The following LRBA variants were observed in gnomAD, a reference collection of about 807,000 sequenced individuals.
The protein encoded by LRBA is lipopolysaccharide-responsive and beige-like anchor protein.
A neutral mutation model predicts 330.0 loss-of-function variants in LRBA; 176 were observed. The ratio of observed to expected loss-of-function variants is 0.53; its 90% CI spans 0.47 to 0.60. The LOEUF is 0.60. Ranked by LOEUF, LRBA falls within the 20% of genes least tolerant of loss-of-function variation. LRBA has a pLI of 0.00. For synonymous variants in LRBA, 1,230 were observed against 1,193.0 expected (o/e 1.03, Z -0.64); for missense variants, 3,259 against 3,444.8 (o/e 0.95, Z 1.35).
intron 2 of LRBA, among the ~76,000 whole-genome samples, chr4:150,975,268 C>T (rs1267788233): frequency 1.3e-5 from 2 of 152,166 alleles, no homozygotes; most frequent in African/African-American, 4.8e-5. Flanking sequence ...GTGGCTCACG[C>T]CTGTAATCCC....
chr4:150,884,014 G>C (rs1728682558), intron 17 of LRBA, among the ~76,000 whole-genome samples: 1 of 152,146 alleles, frequency 6.6e-6, no homozygotes, highest in East Asian at 1.9e-4. Context: ...GAAATTGCTA[G>C]AAATTCAGGT....
intron 47 of LRBA, among the ~76,000 whole-genome samples, chr4:150,366,948 C>A (rs10007339): frequency 0.25 from 37,990 of 151,972 alleles, 4,846 homozygotes; most frequent in East Asian, 0.34. Context: ...CAAGGGCCTT[C>A]CCATTCATTT....
chr4:150,570,879 G>C (rs905243592), intron 40 of LRBA, among the ~76,000 whole-genome samples: 1 of 152,088 alleles, frequency 6.6e-6, no homozygotes, highest in Non-Finnish European at 1.5e-5. Flanking sequence ...TTAGAATTAT[G>C]TTTGTATTTT....
chr4:150,850,968 A>T, intron 23 of LRBA, 66 bp from the exon 24 acceptor site: 1 of 1,145,600 alleles, frequency 8.7e-7, no homozygotes. Flanking sequence ...AGCAAAGTAA[A>T]TAATTTAGTA....
At chr4:150,387,448 T>C (rs1185483157) in intron 47 of LRBA, among the ~76,000 whole-genome samples, 1 of 152,186 alleles carries the variant, frequency 6.6e-6, no homozygotes, top group African/African-American at 2.4e-5. Context: ...CTAGGCTTGA[T>C]ATATTTGATA....
chr4:150,855,218 GC>G (rs1468180626), intron 22 of LRBA, among the ~76,000 whole-genome samples: 1 of 152,126 alleles, frequency 6.6e-6, no homozygotes, highest in Admixed American at 6.5e-5. Flanking sequence ...AGCCAAAATA[GC>G]ACCACTGCAC....
intron 48 of LRBA, among the ~76,000 whole-genome samples, chr4:150,334,812 T>G (rs1020694948): frequency 6.8e-6 from 1 of 147,552 alleles, no homozygotes; most frequent in Non-Finnish European, 1.5e-5. Context: ...CATTATTAAG[T>G]TTTTTTTGTT....
At chr4:150,838,990 C>T (rs531764954) in intron 28 of LRBA, among the ~76,000 whole-genome samples, 1 of 152,138 alleles carries the variant, frequency 6.6e-6, no homozygotes. Context: ...GCTATCTACT[C>T]ATCTGACAAA....
intron 55 of LRBA, among the ~76,000 whole-genome samples, chr4:150,281,752 T>A (rs1020646048): frequency 1.3e-5 from 2 of 152,050 alleles, no homozygotes; most frequent in African/African-American, 4.8e-5. Flanking sequence ...ACCAAGGAGT[T>A]TGGAGGTAAG....
intron 36 of LRBA, among the ~76,000 whole-genome samples, chr4:150,704,842 T>C (rs1785461494): frequency 6.6e-6 from 1 of 152,120 alleles, no homozygotes; most frequent in South Asian, 2.1e-4. Context: ...TAATTGATAA[T>C]GACAATTAAT....
chr4:150,667,232 G>A lies in LRBA; in HGVS notation c.5921+16319C>T, dbSNP rs192525928. On this transcript the variant is annotated intron_variant, in intron 37 of 56. Transcript: ENST00000651943. ...CACAACCTGTATGTTACTTTACAGG[G>A]ACTTTGTGGATGTGATTACATTAAG... Among the ~76,000 whole-genome samples, 20 of 152,272 alleles carry A rather than the reference G, an allele frequency of 1.3e-4. No homozygotes were observed. The East Asian group carries it at 3.9e-3, about 29-fold the overall frequency.
chr4:150,813,149 C>T (rs1348168116), intron 31 of LRBA, among the ~76,000 whole-genome samples: 1 of 129,098 alleles, frequency 7.7e-6, no homozygotes, highest in East Asian at 2.2e-4. Context: ...CAAAGACAGA[C>T]CCTGTCTCAA....
intron 48 of LRBA, among the ~76,000 whole-genome samples, chr4:150,330,728 C>T (rs1016346792): frequency 5.9e-5 from 9 of 152,196 alleles, no homozygotes; most frequent in Non-Finnish European, 1.3e-4. Context: ...TGGTTCCTAA[C>T]AGGCTGTGGC....
rs773602226 is a variant in LRBA at position 150,908,673 on chromosome 4, G to C, written c.1346C>G (p.Ala449Gly). Residue 449 changes from alanine to glycine, a missense_variant, in exon 10 of 57, where the codon GCA becomes GGA. Coordinates refer to ENST00000651943, the MANE Select transcript of LRBA (RefSeq NM_001364905.1). ...CACAGTTAGTACCTGGAGCATGAGT[G>C]CATGTGGTGAATGAACAAAAATTGA... ...NPSIFVHSPHALMLQDVKAVL... is the reference protein window; with the variant it reads ...NPSIFVHSPHGLMLQDVKAVL... 1 of 1,613,098 alleles carries C rather than the reference G, an allele frequency of 6.2e-7. No homozygotes were observed. The highest frequency in any genetic ancestry group is 8.5e-7 in the Non-Finnish European group (1 of 1,179,234).
intron 9 of LRBA, among the ~76,000 whole-genome samples, chr4:150,913,937 G>A (rs1200906619): frequency 6.6e-6 from 1 of 152,174 alleles, no homozygotes; most frequent in African/African-American, 2.4e-5. Flanking sequence ...ATACAGTCAT[G>A]CAACGTGAAA....
chr4:150,494,002 C>T (rs572565876), intron 40 of LRBA, among the ~76,000 whole-genome samples: 2 of 152,114 alleles, frequency 1.3e-5, no homozygotes, highest in South Asian at 4.2e-4. Flanking sequence ...GAACATCACT[C>T]AAGCCCAGGA....
At chr4:150,555,459 T>C (rs1213069421) in intron 40 of LRBA, among the ~76,000 whole-genome samples, 3 of 152,090 alleles carry the variant, frequency 2.0e-5, no homozygotes, top group Non-Finnish European at 4.4e-5. Context: ...AATTATATCT[T>C]ACAATACAAA....
At chr4:150,745,757 G>A (rs561275442) in intron 35 of LRBA, among the ~76,000 whole-genome samples, 1 of 152,022 alleles carries the variant, frequency 6.6e-6, no homozygotes, top group African/African-American at 2.4e-5. Flanking sequence ...CTCATGATCT[G>A]CCCGCCTTGG....
At chr4:150,657,674 GATATA>G (rs973724428) in intron 37 of LRBA, among the ~76,000 whole-genome samples, 1 of 151,942 alleles carries the variant, frequency 6.6e-6, no homozygotes, top group African/African-American at 2.4e-5. Context: ...GATTCTTAAA[GATATA>G]ATAGAGTAGA....
Sources: gnomAD v4.1 joint callset for allele counts (sites outside exome capture counted in the v4.1 genomes callset) on GRCh38, gnomAD v4.1.1 for gene constraint, MANE v1.5 for transcripts, NCBI Gene and HGNC (gene_info 2026-07-23, HGNC 2026-07-21) for gene names.